FEN1: variants seen among roughly 807,000 people sequenced by gnomAD.
The protein encoded by FEN1 is flap structure-specific endonuclease 1.
Under a neutral mutation model 24.7 loss-of-function variants are expected in FEN1, and 19 were observed. The observed-to-expected ratio is 0.77, with a 90% CI of 0.54 to 1.13. The LOEUF (loss-of-function observed/expected upper bound fraction) is 1.13, where lower values mean the gene tolerates loss of function less well. Ranked by LOEUF, FEN1 falls within the 50% of genes most tolerant of loss-of-function variation. The pLI is 0.00. For synonymous variants in FEN1, 155 were observed against 189.2 expected, an observed-to-expected ratio of 0.82 and a Z score of 1.48; for missense variants, 339 against 488.7, an observed-to-expected ratio of 0.69 and a Z score of 2.89.
chr11:61,794,618 C>A (rs912928981), intron 1 of FEN1, among the ~76,000 whole-genome samples: 8 of 152,132 alleles, frequency 5.3e-5, no homozygotes, highest in Admixed American at 2.0e-4. Context: ...CTGGGAAACA[C>A]TGAACTCTGA....
chr11:61,795,931 A>G lies in FEN1; in HGVS notation c.570A>G (p.Leu190=). The part of the protein sequence containing the change: ...MDCLTFGSPV[L]MRHLTASEAK... ...GCCTCACCTTCGGCAGCCCTGTGCT[A>G]ATGCGACACCTGACTGCCAGTGAAG... The change falls in exon 2 of 2, where the codon CTA becomes CTG. Residue 190 remains leucine (L), a synonymous_variant. Transcript: ENST00000305885. The surrounding 1 kb of genome is among the most constrained non-coding windows in gnomAD (Gnocchi z 4.1). 1 of 1,614,076 alleles carries G rather than the reference A, an allele frequency of 6.2e-7. No homozygotes were observed. Among genetic ancestry groups the G allele is most frequent in the East Asian group, 2.2e-5 (1 of 44,880 alleles).
At position 61,795,507 on chromosome 11, in the gene FEN1, G is replaced by C. The variant is rs746730684; in HGVS notation, c.146G>C (p.Gly49Ala). The C allele has an allele frequency of 6.2e-7, 1 of 1,614,212 alleles. No homozygotes were observed. Among genetic ancestry groups the C allele is most frequent in the Admixed American group, 1.7e-5 (1 of 60,030 alleles). ...CAGTTCCTGATTGCTGTTCGCCAGG[G>C]TGGGGATGTGCTGCAGAATGAGGAG... Reference protein sequence around the residue: ...IYQFLIAVRQGGDVLQNEEGE... With the variant: ...IYQFLIAVRQAGDVLQNEEGE... The change falls in exon 2 of 2, where the codon GGT (glycine) becomes GCT (alanine). Residue 49 changes from glycine to alanine, a missense_variant. Physicochemically the swap from Gly to Ala is moderately conservative, Grantham distance 60. Around this residue, in one of 3 missense-constraint regions of FEN1, gnomAD observed 216 missense variants for 329.7 expected, o/e 0.66. Transcript: ENST00000305885. This position sits in a 1 kb window ranked among gnomAD's most constrained non-coding sequence, Gnocchi z 4.1.
intron 1 of FEN1, among the ~76,000 whole-genome samples, chr11:61,793,935 C>T (rs1272920183): frequency 6.6e-6 from 1 of 152,146 alleles, no homozygotes; most frequent in African/African-American, 2.4e-5. Context: ...CTGATGGAGT[C>T]TTTCGTTTCT....
rs184569685 is a variant in FEN1, at chr11:61,794,725, G to A, written c.-21-616G>A. ...TGGAGTTAACATTTCAGACTGAGTG[G>A]TGGCGAGAAAACGCAAAGGGAAAGA... On this transcript the variant is annotated intron_variant, in intron 1 of 1. Transcript: ENST00000305885. Among the ~76,000 whole-genome samples, 29 of 152,256 alleles carry A rather than the reference G, an allele frequency of 1.9e-4. No individual in the cohort carries two copies. The East Asian group carries it at 5.0e-3, about 26-fold the overall frequency.
At position 61,796,638 on chromosome 11, in the gene FEN1, T is replaced by G; in HGVS notation, c.*134T>G. Reference sequence around the variant, plus strand: ...TTTCTAGCGTGACCCTTTTCAGTAGTGCTAGTCCCTTTTTTACTTGATCTT... The same window carrying G: ...TTTCTAGCGTGACCCTTTTCAGTAGGGCTAGTCCCTTTTTTACTTGATCTT... On this transcript the variant is annotated 3_prime_UTR_variant, in exon 2 of 2. Coordinates refer to ENST00000305885, the MANE Select transcript of FEN1 (RefSeq NM_004111.6). 1.0e-6 allele frequency: 1 copy of G among 970,960 alleles called. No homozygotes were observed. The highest frequency in any genetic ancestry group is 1.5e-6 in the Non-Finnish European group (1 of 665,874). 60.1% of individuals were successfully genotyped at this position (970,960 alleles called of 1,614,324 possible).
At chr11:61,794,475 C>G (rs1415887040) in intron 1 of FEN1, among the ~76,000 whole-genome samples, 2 of 151,812 alleles carry the variant, frequency 1.3e-5, no homozygotes, top group Non-Finnish European at 2.9e-5. Flanking sequence ...TAAAATATAA[C>G]TAATAGAACA....
chr11:61,795,184 T>C lies in FEN1; in HGVS notation c.-21-157T>C, dbSNP rs2066812144. 6.6e-6 allele frequency among the ~76,000 whole-genome samples: 1 copy of C among 152,246 alleles called. No homozygotes were observed. Among genetic ancestry groups the C allele is most frequent in the South Asian group, 2.1e-4 (1 of 4,836 alleles). On this transcript the variant is annotated intron_variant, in intron 1 of 1. Coordinates refer to ENST00000305885, the MANE Select transcript of FEN1 (RefSeq NM_004111.6). This position sits in a 1 kb window ranked among gnomAD's most constrained non-coding sequence, Gnocchi z 4.1. ...AATTCTCCTGCTAGACTGAGTTTTT[T>C]GAGAATGGGGACCTTGTTCATCTTT... is the stretch of plus-strand genomic sequence containing the variant.
In FEN1 at chr11:61,795,940, C is replaced by A. The variant is rs1394726261; in HGVS notation, c.579C>A (p.His193Gln). 3.1e-6 allele frequency: 5 copies of A among 1,614,122 alleles called. No homozygotes were observed. The highest frequency in any genetic ancestry group is 4.2e-6 in the Non-Finnish European group (5 of 1,180,048). Residue 193 changes from histidine to glutamine, a missense_variant, in exon 2 of 2, where the codon CAC becomes CAA. His to Gln is a conservative substitution (Grantham distance 24). Coordinates refer to ENST00000305885, the MANE Select transcript of FEN1 (RefSeq NM_004111.6). The surrounding 1 kb of genome is among the most constrained non-coding windows in gnomAD (Gnocchi z 4.1). ...TCGGCAGCCCTGTGCTAATGCGACA[C>A]CTGACTGCCAGTGAAGCCAAAAAGC... ...LTFGSPVLMR[H>Q]LTASEAKKLP... is the part of the protein sequence containing the mutation.
At position 61,795,959 on chromosome 11, in the gene FEN1, A is replaced by T; in HGVS notation, c.598A>T (p.Lys200Ter). Residue 200 changes from lysine to a stop codon, truncating the protein, a stop_gained, in exon 2 of 2, where the codon AAA becomes TAA. Transcript: ENST00000305885. LOFTEE classifies it high-confidence loss of function. The surrounding 1 kb of genome is among the most constrained non-coding windows in gnomAD (Gnocchi z 4.1). ...GCGACACCTGACTGCCAGTGAAGCC[A>T]AAAAGCTGCCAATCCAGGAATTCCA... ...LMRHLTASEA[K>*]KLPIQEFHLS... 1 of 1,614,174 alleles carries T rather than the reference A, an allele frequency of 6.2e-7. No individual in the cohort carries two copies. Among genetic ancestry groups the T allele is most frequent in the Non-Finnish European group, 8.5e-7 (1 of 1,180,044 alleles).
Position 61,795,958 on chromosome 11 carries a change from C to T in FEN1, c.597C>T (p.Ala199=). ...TGCGACACCTGACTGCCAGTGAAGC[C>T]AAAAAGCTGCCAATCCAGGAATTCC... is the stretch of plus-strand genomic sequence containing the variant. ...VLMRHLTASE[A]KKLPIQEFHL... is the part of the protein sequence containing the mutation. Residue 199 remains alanine (A), a synonymous_variant, in exon 2 of 2, where the codon GCC becomes GCT. Coordinates refer to ENST00000305885, the MANE Select transcript of FEN1 (RefSeq NM_004111.6). This position sits in a 1 kb window ranked among gnomAD's most constrained non-coding sequence, Gnocchi z 4.1. 1 of 1,614,144 alleles carries T rather than the reference C, an allele frequency of 6.2e-7. No individual in the cohort carries two copies. The highest frequency in any genetic ancestry group is 8.5e-7 in the Non-Finnish European group (1 of 1,180,032).
rs775779348 is a variant in FEN1 at position 61,796,043 on chromosome 11, A to G, written c.682A>G (p.Ile228Val). 7.4e-6 allele frequency: 12 copies of G among 1,614,094 alleles called. No homozygotes were observed. The African/African-American group carries it at 1.2e-4, about 16-fold the overall frequency. Residue 228 changes from isoleucine to valine, a missense_variant, in exon 2 of 2, where the codon ATC (isoleucine) becomes GTC (valine). Around this residue, in one of 3 missense-constraint regions of FEN1, gnomAD observed 216 missense variants for 329.7 expected, o/e 0.66. Coordinates refer to ENST00000305885, the MANE Select transcript of FEN1 (RefSeq NM_004111.6). ...CCAGGAACAGTTTGTGGATCTGTGCATCCTGCTAGGCAGTGACTACTGTGA... is the reference window on the plus strand; with the variant it reads ...CCAGGAACAGTTTGTGGATCTGTGCGTCCTGCTAGGCAGTGACTACTGTGA... The part of the protein sequence containing the change: ...LNQEQFVDLC[I>V]LLGSDYCESI...
chr11:61,795,327 C>A lies in FEN1; in HGVS notation c.-21-14C>A. 6.4e-7 allele frequency: 1 copy of A among 1,552,618 alleles called. No individual in the cohort carries two copies. The stretch of plus-strand genomic sequence containing the variant: ...TCTCCTTTCCTCCGTCTCTGACTTG[C>A]CTTTCTTTTTTAGTCATCCCTCCTC... On this transcript the variant is annotated splice_polypyrimidine_tract_variant and intron_variant, in intron 1 of 1. Coordinates refer to ENST00000305885, the MANE Select transcript of FEN1 (RefSeq NM_004111.6). The surrounding 1 kb of genome is among the most constrained non-coding windows in gnomAD (Gnocchi z 4.1).
At chr11:61,793,581 G>T (rs553755763) in intron 1 of FEN1, among the ~76,000 whole-genome samples, 2 of 152,318 alleles carry the variant, frequency 1.3e-5, no homozygotes, top group South Asian at 4.1e-4. Context: ...TAGATTCAAG[G>T]CCAGAGCTTT....
Position 61,796,270 on chromosome 11 carries a change from A to G in FEN1, c.909A>G (p.Glu303=). ...SVELKWSEPN[E]EELIKFMCGE... Reference sequence around the variant, plus strand: ...AGCTGAAGTGGAGCGAGCCAAATGAAGAAGAGCTGATCAAGTTCATGTGTG... The same window carrying G: ...AGCTGAAGTGGAGCGAGCCAAATGAGGAAGAGCTGATCAAGTTCATGTGTG... Residue 303 remains glutamate (E), a synonymous_variant, in exon 2 of 2, where the codon GAA becomes GAG. Transcript: ENST00000305885. 6.2e-7 allele frequency: 1 copy of G among 1,612,636 alleles called. No homozygotes were observed. The highest frequency in any genetic ancestry group is 1.1e-5 in the South Asian group (1 of 91,008).
intron 1 of FEN1, 32 bp downstream of exon 1, chr11:61,793,060 G>C (rs1760995419): frequency 6.2e-6 from 1 of 160,892 alleles, no homozygotes; most frequent in African/African-American, 2.4e-5. Context: ...CTCCGGGAGC[G>C]ACGGGGTCCG....
At position 61,796,579 on chromosome 11, in the gene FEN1, A is replaced by T. The variant is rs2066821802; in HGVS notation, c.*75A>T. The T allele has an allele frequency of 1.4e-6, 2 of 1,436,094 alleles. No individual in the cohort carries two copies. Among genetic ancestry groups the T allele is most frequent in the Non-Finnish European group, 1.9e-6 (2 of 1,079,682 alleles). The allele number at this position is 1,436,094 out of a possible 1,614,324, so 89.0% of individuals were successfully genotyped here. On this transcript the variant is annotated 3_prime_UTR_variant, in exon 2 of 2. Coordinates refer to ENST00000305885, the MANE Select transcript of FEN1 (RefSeq NM_004111.6). The stretch of plus-strand genomic sequence containing the variant: ...TACCCTTAAGAGCTACAGCTAGAGA[A>T]ACCTTCACGGGGTGGAGAGAGGATT...
chr11:61,793,606 A>T (rs2066803577), intron 1 of FEN1, among the ~76,000 whole-genome samples: 1 of 152,212 alleles, frequency 6.6e-6, no homozygotes, highest in Non-Finnish European at 1.5e-5. Flanking sequence ...GCTGCAGTTC[A>T]CAGGGGAATT....
chr11:61,796,238 T>G lies in FEN1; in HGVS notation c.877T>G (p.Ser293Ala). 5.0e-6 allele frequency: 8 copies of G among 1,612,450 alleles called. No homozygotes were observed. The highest frequency in any genetic ancestry group is 6.8e-6 in the Non-Finnish European group (8 of 1,179,990). The change falls in exon 2 of 2, where the codon TCT (serine) becomes GCT (alanine). Residue 293 changes from serine to alanine, a missense_variant. Physicochemically the swap from Ser to Ala is moderately conservative, Grantham distance 99 (BLOSUM62 1). Around this residue, in one of 3 missense-constraint regions of FEN1, gnomAD observed 70 missense variants for 64.9 expected, o/e 1.08. Coordinates refer to ENST00000305885, the MANE Select transcript of FEN1 (RefSeq NM_004111.6). ...FLEPEVLDPE[S>A]VELKWSEPNE... ...GGAACCTGAGGTGCTGGACCCAGAG[T>G]CTGTGGAGCTGAAGTGGAGCGAGCC...
At position 61,796,336 on chromosome 11, in the gene FEN1, C is replaced by G; in HGVS notation, c.975C>G (p.Val325=). ...QFSEERIRSG[V]KRLSKSRQGS... is the part of the protein sequence containing the mutation. Reference sequence around the variant, plus strand: ...CTGAGGAGCGAATCCGCAGTGGGGTCAAGAGGCTGAGTAAGAGCCGCCAAG... The same window carrying G: ...CTGAGGAGCGAATCCGCAGTGGGGTGAAGAGGCTGAGTAAGAGCCGCCAAG... The change falls in exon 2 of 2, where the codon GTC becomes GTG. Residue 325 remains valine (V), a synonymous_variant. Coordinates refer to ENST00000305885, the MANE Select transcript of FEN1 (RefSeq NM_004111.6). 1 of 1,613,450 alleles carries G rather than the reference C, an allele frequency of 6.2e-7. No individual in the cohort carries two copies. The highest frequency in any genetic ancestry group is 8.5e-7 in the Non-Finnish European group (1 of 1,180,044).
Sources: gnomAD v4.1 joint callset for allele counts (sites outside exome capture counted in the v4.1 genomes callset) on GRCh38, gnomAD v4.1.1 for gene constraint, gnomAD v4.1.1 regional missense constraint, Gnocchi (gnomAD v3.1) non-coding constraint, MANE v1.5 for transcripts, NCBI Gene and HGNC (gene_info 2026-07-23, HGNC 2026-07-21) for gene names.